MACF1: variants seen among roughly 807,000 people sequenced by gnomAD.
MACF1 encodes microtubule actin crosslinking factor 1.
Under a neutral mutation model 854.8 loss-of-function variants are expected in MACF1, and 193 were observed. The ratio of observed to expected loss-of-function variants is 0.23; its 90% confidence interval spans 0.20 to 0.25. The LOEUF is 0.25. Among genes scored for constraint, MACF1 ranks in the 10% least tolerant of loss-of-function variants. The pLI is 1.00. For synonymous variants in MACF1, 3,185 were observed against 3,226.7 expected, an observed-to-expected ratio of 0.99 and a Z score of 0.44; for missense variants, 7,722 against 8,929.1, an observed-to-expected ratio of 0.86 and a Z score of 5.45.
chr1:39,385,763 C>T lies in MACF1; in HGVS notation c.14178C>T (p.Thr4726=), dbSNP rs16826105. 3.6e-4 allele frequency: 577 copies of T among 1,614,094 alleles called. 2 individuals carry two copies. The African/African-American group carries it at 6.7e-3, about 19-fold the overall frequency. The change falls in exon 57 of 101, where the codon ACC becomes ACT. Residue 4726 remains threonine (T), a synonymous_variant. Transcript: ENST00000564288. ...CTGTAAAGCAGCAATTGGAAGAGACCAGTGAAATTCGATCTGACTTGGAGC... is the reference window on the plus strand; with the variant it reads ...CTGTAAAGCAGCAATTGGAAGAGACTAGTGAAATTCGATCTGACTTGGAGC... ...PEAVKQQLEE[T]SEIRSDLEQL...
chr1:39,086,757 G>A (rs914444548), intron 2 of MACF1, among the ~76,000 whole-genome samples: 2 of 152,142 alleles, frequency 1.3e-5, no homozygotes, highest in African/African-American at 4.8e-5. Flanking sequence ...ATTTTACACA[G>A]GCAAGGCTCC....
intron 87 of MACF1, among the ~76,000 whole-genome samples, chr1:39,453,506 A>G (rs940059516): frequency 1.3e-5 from 2 of 152,220 alleles, no homozygotes; most frequent in African/African-American, 4.8e-5. Context: ...TCCACCAGAG[A>G]AAGTCATTCT....
intron 1 of MACF1, among the ~76,000 whole-genome samples, chr1:39,230,794 GA>G (rs1371755676): frequency 2.0e-5 from 3 of 152,118 alleles, no homozygotes; most frequent in African/African-American, 7.2e-5. Context: ...CATGAAGAGT[GA>G]AATTTAACCA....
rs773034088 is a variant in MACF1, at chr1:39,084,450, C to G, written c.220+12C>G. On this transcript the variant is annotated intron_variant, in intron 2 of 93. Transcript: ENST00000361689. The surrounding 1 kb of genome is among the most constrained non-coding windows in gnomAD (Gnocchi z 5.2). ...GGTCAGAGTCGCTGGTAAGAGAGGT[C>G]CCCCAGCAGGCTGGACGCTGTGGGT... The G allele has an allele frequency of 1.2e-6, 2 of 1,601,410 alleles. No homozygotes were observed. Among genetic ancestry groups the G allele is most frequent in the Non-Finnish European group, 1.7e-6 (2 of 1,177,628 alleles).
At chr1:39,437,458 G>A (rs964182840) in intron 70 of MACF1, among the ~76,000 whole-genome samples, 6 of 151,924 alleles carry the variant, frequency 3.9e-5, no homozygotes, top group African/African-American at 1.2e-4. Flanking sequence ...CTACGGGCGT[G>A]CGCCACCACA....
rs1647712843 is a variant in MACF1 at position 39,357,729 on chromosome 1, G to A, written c.11779G>A (p.Val3927Ile). The A allele has an allele frequency of 1.3e-5, 21 of 1,614,042 alleles. No homozygotes were observed. The highest frequency in any genetic ancestry group is 1.8e-5 in the Non-Finnish European group (21 of 1,180,048). Residue 3927 changes from valine (V) to isoleucine (I), a missense_variant, in exon 45 of 101, where the codon GTC (valine) becomes ATC (isoleucine). Coordinates refer to ENST00000564288, the MANE Select transcript of MACF1 (RefSeq NM_001394062.1). ...GCGGCAAGGAAGCTTCTCAGAGGATGTCATTTCCCACAAAGGAGACTTGAG... is the reference window on the plus strand; with the variant it reads ...GCGGCAAGGAAGCTTCTCAGAGGATATCATTTCCCACAAAGGAGACTTGAG... ...LKRQGSFSED[V>I]ISHKGDLRFV...
intron 2 of MACF1, among the ~76,000 whole-genome samples, chr1:39,166,369 G>A (rs900409184): frequency 4.0e-5 from 6 of 151,438 alleles, no homozygotes; most frequent in African/African-American, 9.7e-5. Flanking sequence ...TGCCCTACTG[G>A]CACTAGATAT....
Position 39,486,873 on chromosome 1 carries a change from G to A in MACF1, c.*1079G>A, listed in dbSNP as rs547190800. The A allele has an allele frequency of 9.2e-5, 14 of 152,738 alleles. No homozygotes were observed. The highest frequency in any genetic ancestry group is 3.1e-4 in the African/African-American group (13 of 41,568). The allele number at this position is 152,738 out of a possible 1,614,324, so 9.5% of individuals were successfully genotyped here. A position where few individuals can be genotyped will look rare whatever the true frequency, so the allele number is the denominator to read the frequency against. On this transcript the variant is annotated 3_prime_UTR_variant, in exon 101 of 101. Coordinates refer to ENST00000564288, the MANE Select transcript of MACF1 (RefSeq NM_001394062.1). ...GCTGCTGTTCTTCAGCTCCGACCAT[G>A]TTGCTGTGTGATTATCTCAATTGGT... is the stretch of plus-strand genomic sequence containing the variant.
At chr1:39,390,350 A>G (rs1641983171) in intron 58 of MACF1, among the ~76,000 whole-genome samples, 4 of 152,212 alleles carry the variant, frequency 2.6e-5, no homozygotes, top group Non-Finnish European at 4.4e-5. Flanking sequence ...ACGTAGTCCT[A>G]GAGACGTCAC....
rs71798934 is a variant in MACF1 at position 39,434,386 on chromosome 1, CTTT to C, written c.17566-13_17566-11del. Reference sequence around the variant, plus strand: ...AGAGTTTATAATAGTAATACTTATCCTTTTTTTTTTTTTTTTTGCTCACATAGG... The same window carrying C: ...AGAGTTTATAATAGTAATACTTATCCTTTTTTTTTTTTTTGCTCACATAGG... On this transcript the variant is annotated intron_variant, in intron 68 of 100. Coordinates refer to ENST00000564288, the MANE Select transcript of MACF1 (RefSeq NM_001394062.1). 0.023 allele frequency: 21,936 copies of C among 948,772 alleles called. No individual in the cohort carries two copies. Among genetic ancestry groups the C allele is most frequent in the South Asian group, 0.026 (1,527 of 59,182 alleles). The allele number at this position is 948,772 out of a possible 1,614,324, so 58.8% of individuals were successfully genotyped here.
intron 2 of MACF1, among the ~76,000 whole-genome samples, chr1:39,232,886 G>A (rs1452382557): frequency 6.6e-6 from 1 of 151,648 alleles, no homozygotes; most frequent in African/African-American, 2.4e-5. Flanking sequence ...GGGCTTGAGT[G>A]ATTCTCCCAC....
At chr1:39,117,579 C>T (rs1036476133) in intron 2 of MACF1, among the ~76,000 whole-genome samples, 2 of 143,506 alleles carry the variant, frequency 1.4e-5, no homozygotes, top group African/African-American at 5.2e-5. Context: ...CTTGGGTGTC[C>T]CTTGCCTGTG....
chr1:39,338,147 A>G (rs980897640), intron 38 of MACF1, among the ~76,000 whole-genome samples: 8 of 152,200 alleles, frequency 5.3e-5, no homozygotes, highest in Non-Finnish European at 1.0e-4. Flanking sequence ...AAACTATTGC[A>G]GTAATTCAAG....
At chr1:39,109,601 C>G (rs1642341643) in intron 2 of MACF1, among the ~76,000 whole-genome samples, 1 of 151,826 alleles carries the variant, frequency 6.6e-6, no homozygotes, top group Non-Finnish European at 1.5e-5. Context: ...TCTTTTCTCT[C>G]CTTTTTTTTT....
At position 39,448,705 on chromosome 1, in the gene MACF1, A is replaced by G. The variant is rs753434657; in HGVS notation, c.20200A>G (p.Asn6734Asp). The change falls in exon 84 of 101, where the codon AAT (asparagine) becomes GAT (aspartate). Residue 6734 changes from asparagine to aspartate, a missense_variant. By Grantham distance (23) the Asn-to-Asp change is conservative. Transcript: ENST00000564288. ...TCCCGAAGATAGTCAGAAACTTGAC[A>G]ATTTCCTAGGAGAAGTCAGAGACAA... ...LLPEDSQKLD[N>D]FLGEVRDKWD... 2 of 1,613,530 alleles carry G rather than the reference A, an allele frequency of 1.2e-6. No individual in the cohort carries two copies. The highest frequency in any genetic ancestry group is 8.5e-7 in the Non-Finnish European group (1 of 1,179,628).
intron 2 of MACF1, among the ~76,000 whole-genome samples, chr1:39,180,488 T>C (rs1006467316): frequency 3.3e-5 from 5 of 152,106 alleles, no homozygotes; most frequent in Admixed American, 3.3e-4. Context: ...TGGTGGCTCA[T>C]GCCTGTAATT....
chr1:39,295,246 G>A, intron 19 of MACF1, 96 bp downstream of exon 19: 1 of 975,554 alleles, frequency 1.0e-6, no homozygotes, highest in Non-Finnish European at 1.6e-6. Context: ...AAGACTTGGA[G>A]GAAGTGTCAG....
At chr1:39,258,753 C>T (rs554010516) in intron 6 of MACF1, among the ~76,000 whole-genome samples, 2 of 152,282 alleles carry the variant, frequency 1.3e-5, no homozygotes, top group African/African-American at 4.8e-5. Context: ...GGATTAGAGG[C>T]TGATAGCTAG....
chr1:39,322,467 G>A (rs1018068606), intron 31 of MACF1, 141 bp from the exon 32 acceptor site: 2 of 655,828 alleles, frequency 3.0e-6, no homozygotes, highest in East Asian at 2.7e-5. Flanking sequence ...TTTCTGTCTG[G>A]CCTTTTACAG....
Sources: gnomAD v4.1 joint callset for allele counts (sites outside exome capture counted in the v4.1 genomes callset) on GRCh38, gnomAD v4.1.1 for gene constraint, Gnocchi (gnomAD v3.1) non-coding constraint, MANE v1.5 for transcripts, NCBI Gene and HGNC (gene_info 2026-07-23, HGNC 2026-07-21) for gene names.